LMBR1: variants seen among roughly 807,000 people sequenced by gnomAD.
LMBR1 encodes the protein limb development membrane protein 1, also known as limb region 1 protein homolog.
In LMBR1, 52 loss-of-function variants were observed where a neutral mutation model predicts 73.9. The ratio of observed to expected loss-of-function variants is 0.70; its 90% CI spans 0.56 to 0.89. The LOEUF (loss-of-function observed/expected upper bound fraction) is 0.89, where lower values mean the gene tolerates loss of function less well. Among genes scored for constraint, LMBR1 ranks in the 40% least tolerant of loss-of-function variants. LMBR1 has a pLI of 0.00. For synonymous variants in LMBR1, 215 were observed against 209.4 expected, an observed-to-expected ratio of 1.03 and a Z score of -0.23; for missense variants, 539 against 579.8, an observed-to-expected ratio of 0.93 and a Z score of 0.72.
chr7:156,692,736 A>G (rs1807485487), intron 15 of LMBR1, among the ~76,000 whole-genome samples: 1 of 152,210 alleles, frequency 6.6e-6, no homozygotes, highest in Non-Finnish European at 1.5e-5. Flanking sequence ...AGGATGACAC[A>G]GTGGCCAGTG....
intron 15 of LMBR1, among the ~76,000 whole-genome samples, chr7:156,689,616 T>C (rs1050139422): frequency 2.0e-5 from 3 of 152,332 alleles, no homozygotes; most frequent in African/African-American, 7.2e-5. Flanking sequence ...ACAAATGTGT[T>C]TGAAATTAAA....
intron 13 of LMBR1, 24 bp from the exon 14 acceptor site, chr7:156,725,549 T>C (rs779938938): frequency 1.0e-5 from 15 of 1,501,766 alleles, no homozygotes; most frequent in Admixed American, 2.0e-5. Flanking sequence ...GGAAAAAAAC[T>C]CTCCAACAGA....
rs1013784075 is a variant in LMBR1, at chr7:156,683,836, G to A, written c.*242C>T. 35 of 453,090 alleles carry A rather than the reference G, an allele frequency of 7.7e-5. No individual in the cohort carries two copies. The highest frequency in any genetic ancestry group is 5.6e-4 in the Middle Eastern group (1 of 1,770). 28.1% of individuals were successfully genotyped at this position (453,090 alleles called of 1,614,324 possible). On this transcript the variant is annotated 3_prime_UTR_variant, in exon 17 of 17. Coordinates refer to ENST00000353442, the MANE Select transcript of LMBR1 (RefSeq NM_022458.4). ...GCAAATGTCTACAGAAGAATGCGCT[G>A]TTCTATATGTCTGTAAGGAATCTGC... is the stretch of plus-strand genomic sequence containing the variant.
At chr7:156,729,007 T>C (rs879424211) in intron 10 of LMBR1, among the ~76,000 whole-genome samples, 2 of 152,022 alleles carry the variant, frequency 1.3e-5, no homozygotes, top group Non-Finnish European at 2.9e-5. Context: ...GCCTGGCTAA[T>C]TTTTTTATTT....
At chr7:156,768,785 G>T (rs1444619397) in intron 5 of LMBR1, among the ~76,000 whole-genome samples, 1 of 152,150 alleles carries the variant, frequency 6.6e-6, no homozygotes, top group Admixed American at 6.5e-5. Flanking sequence ...AATCTAAATT[G>T]TTCCACCCCA....
At chr7:156,805,094 C>T (rs1454062582) in intron 4 of LMBR1, among the ~76,000 whole-genome samples, 1 of 152,090 alleles carries the variant, frequency 6.6e-6, no homozygotes, top group African/African-American at 2.4e-5. Flanking sequence ...AAAAAATCAT[C>T]TTCCCACTAA....
In LMBR1 at chr7:156,683,485, C is replaced by T. The variant is rs1050376686; in HGVS notation, c.*593G>A. On this transcript the variant is annotated 3_prime_UTR_variant, in exon 17 of 17. Transcript: ENST00000353442. The stretch of plus-strand genomic sequence containing the variant: ...TAGTATTTTCCCCTTGGCTCAAAGT[C>T]TAATCAGTATCATTCTATAACATAA... 2.6e-5 allele frequency: 4 copies of T among 152,634 alleles called. No homozygotes were observed. Among genetic ancestry groups the T allele is most frequent in the Non-Finnish European group, 4.4e-5 (3 of 68,052 alleles). 9.5% of individuals were successfully genotyped at this position (152,634 alleles called of 1,614,324 possible).
intron 14 of LMBR1, 29 bp downstream of exon 14, chr7:156,725,406 G>A (rs367784204): frequency 6.4e-5 from 88 of 1,376,070 alleles, no homozygotes; most frequent in Non-Finnish European, 8.5e-5. Flanking sequence ...GCAAACGAGA[G>A]GCCACAGTCA....
chr7:156,862,407 G>A (rs995932096), intron 1 of LMBR1, among the ~76,000 whole-genome samples: 5 of 151,888 alleles, frequency 3.3e-5, no homozygotes, highest in African/African-American at 7.3e-5. Flanking sequence ...TTCAAGATGA[G>A]ATTTGGTGGG....
chr7:156,722,145 T>C (rs1189102516), intron 15 of LMBR1, among the ~76,000 whole-genome samples: 1 of 152,146 alleles, frequency 6.6e-6, no homozygotes, highest in African/African-American at 2.4e-5. Context: ...TGTTACTGCA[T>C]TTCTCATTCC....
chr7:156,715,309 A>T (rs138290236), intron 15 of LMBR1, among the ~76,000 whole-genome samples: 344 of 152,262 alleles, frequency 2.3e-3, no homozygotes, highest in African/African-American at 7.9e-3. Flanking sequence ...TTTAAAAATA[A>T]ACAGTTCAAG....
intron 1 of LMBR1, among the ~76,000 whole-genome samples, chr7:156,871,550 T>C (rs1390577548): frequency 2.0e-5 from 3 of 152,236 alleles, no homozygotes; most frequent in South Asian, 2.1e-4. Flanking sequence ...CTCAATGAAA[T>C]AGTTGCTCAC....
intron 4 of LMBR1, among the ~76,000 whole-genome samples, chr7:156,809,267 A>T (rs1832679243): frequency 6.6e-6 from 1 of 152,174 alleles, no homozygotes; most frequent in African/African-American, 2.4e-5. Context: ...TCTTTTGTGT[A>T]TCTGACACTA....
At position 156,691,493 on chromosome 7, in the gene LMBR1, G is replaced by A. The variant is rs190588745; in HGVS notation, c.1226-3302C>T. Among the ~76,000 whole-genome samples, 626 of 152,226 alleles carry A rather than the reference G, an allele frequency of 4.1e-3. 5 individuals are homozygous for A. Among genetic ancestry groups the A allele is most frequent in the African/African-American group, 0.013 (556 of 41,546 alleles). ...TAAGAAAGGGCTGGTTTCTCTACCT[G>A]CAATATGAGTCAATAGAATTTATGT... On this transcript the variant is annotated intron_variant, in intron 15 of 16. Coordinates refer to ENST00000353442, the MANE Select transcript of LMBR1 (RefSeq NM_022458.4).
rs1804338416 is a variant in LMBR1, at chr7:156,677,799, G to A, written c.*6279C>T. 6.6e-6 allele frequency: 1 copy of A among 152,152 alleles called. No homozygotes were observed. Among genetic ancestry groups the A allele is most frequent in the Non-Finnish European group, 1.5e-5 (1 of 68,032 alleles). 9.4% of individuals were successfully genotyped at this position (152,152 alleles called of 1,614,324 possible). ...ATATTGGGATGTGCTCATTTTTTAA[G>A]GATGTATACTATCAAAAAATTTGCA... On this transcript the variant is annotated 3_prime_UTR_variant, in exon 17 of 17. Transcript: ENST00000353442.
At chr7:156,793,478 T>C (rs2133346089) in intron 5 of LMBR1, among the ~76,000 whole-genome samples, 1 of 152,332 alleles carries the variant, frequency 6.6e-6, no homozygotes, top group African/African-American at 2.4e-5. Context: ...ACAAGTTTGT[T>C]TCAAAGTATG....
intron 1 of LMBR1, among the ~76,000 whole-genome samples, chr7:156,843,270 G>A (rs950132973): frequency 2.6e-5 from 4 of 152,070 alleles, no homozygotes; most frequent in Non-Finnish European, 4.4e-5. Context: ...CAATCCCAAG[G>A]AAGCCCCTGA....
intron 15 of LMBR1, among the ~76,000 whole-genome samples, chr7:156,691,364 C>A (rs1807138385): frequency 6.6e-6 from 1 of 152,132 alleles, no homozygotes; most frequent in African/African-American, 2.4e-5. Context: ...ATCACCTCCC[C>A]CAACTAGAAT....
chr7:156,675,631 G>A (rs991021683), downstream of LMBR1: 7 of 1,422,256 alleles, frequency 4.9e-6, no homozygotes, highest in African/African-American at 7.2e-5. Flanking sequence ...TCAGGCTCGA[G>A]AGCGCTTCCC....
Sources: gnomAD v4.1 joint callset for allele counts (sites outside exome capture counted in the v4.1 genomes callset) on GRCh38, gnomAD v4.1.1 for gene constraint, MANE v1.5 for transcripts, NCBI Gene and HGNC (gene_info 2026-07-23, HGNC 2026-07-21) for gene names.